The following ALG9 variants were observed in gnomAD, a reference collection of about 807,000 sequenced individuals.
ALG9 encodes the protein ALG9 alpha-1,2-mannosyltransferase, also known as alpha-1,2-mannosyltransferase ALG9.
ALG9 carries 55 observed loss-of-function variants against 81.8 expected under a neutral mutation model. The observed-to-expected ratio is 0.67, with a 90% confidence interval of 0.54 to 0.84. ALG9 has a LOEUF of 0.84. Ranked by LOEUF, ALG9 falls within the 40% of genes least tolerant of loss-of-function variation. The pLI is 0.00. For synonymous variants in ALG9, 278 were observed against 274.3 expected (o/e 1.01, Z -0.13); for missense variants, 629 against 745.0 (o/e 0.84, Z 1.81).
chr11:111,862,148 T>C (rs1311302618), intron 4 of ALG9, among the ~76,000 whole-genome samples: 6 of 152,172 alleles, frequency 3.9e-5, no homozygotes, highest in African/African-American at 1.4e-4. Context: ...ATACCCCGAA[T>C]ATTGCCTCTC....
intron 11 of ALG9, 80 bp from the exon 12 acceptor site, chr11:111,837,695 G>C (rs1355019249): frequency 4.7e-6 from 7 of 1,482,642 alleles, no homozygotes; most frequent in Non-Finnish European, 6.5e-6. Flanking sequence ...CATTAATGTC[G>C]CACTGTAAGC....
At chr11:111,857,456 T>C in intron 6 of ALG9, 146 bp downstream of exon 6, 1 of 1,054,778 alleles carries the variant, frequency 9.5e-7, no homozygotes, top group South Asian at 1.4e-5. Context: ...TAGTAAGTGC[T>C]AAGAGAAATA....
chr11:111,836,418 A>T, intron 12 of ALG9, 124 bp from the exon 13 acceptor site: 1 of 1,303,662 alleles, frequency 7.7e-7, no homozygotes, highest in Non-Finnish European at 1.1e-6. Context: ...TATTTCTGCT[A>T]AAACCTCAAC....
At position 111,822,493 on chromosome 11, in the gene ALG9, C is replaced by T. The variant is rs376504212; in HGVS notation, c.1603-12720G>A. ...TTGGGAGGCCAAGGTGGGCAGACTG[C>T]TTGAGCCTAGGAGTTTAAGACCAAC... On this transcript the variant is annotated intron_variant, in intron 13 of 14. Transcript: ENST00000616540. 2.6e-4 allele frequency among the ~76,000 whole-genome samples: 40 copies of T among 150,982 alleles called. No individual in the cohort carries two copies. In the East Asian group the frequency reaches 7.6e-3, roughly 29 times the overall value.
rs140492079 is a variant in ALG9, at chr11:111,804,132, CAAAAAAAA to C, written c.1733+5503_1733+5510del. Among the ~76,000 whole-genome samples, 6 of 85,372 alleles carry C rather than the reference CAAAAAAAA, an allele frequency of 7.0e-5. No individual in the cohort carries two copies. The East Asian group carries it at 1.6e-3, about 23-fold the overall frequency. The allele number at this position is 85,372 out of a possible 152,430, so 56.0% of individuals were successfully genotyped here. On this transcript the variant is annotated intron_variant, in intron 14 of 14. Coordinates refer to ENST00000616540, the MANE Select transcript of ALG9 (RefSeq NM_024740.2). ...TGTGTGACAGAGTAAGACTCCATCT[CAAAAAAAA>C]AAAAAAAAAAAGAAACAACAACAAC...
At chr11:111,791,657 A>G (rs552735315) in intron 14 of ALG9, among the ~76,000 whole-genome samples, 1 of 152,310 alleles carries the variant, frequency 6.6e-6, no homozygotes, top group Non-Finnish European at 1.5e-5. Context: ...CGGCCACACC[A>G]GGTCCTTTTC....
intron 8 of ALG9, chr11:111,845,152 T>G (rs1956773373): frequency 1.0e-5 from 2 of 193,470 alleles, no homozygotes; most frequent in Non-Finnish European, 2.2e-5. Flanking sequence ...AAAAACTTAG[T>G]TGGTGGCTGG....
At chr11:111,852,866 CA>C (rs1397452623) in intron 8 of ALG9, among the ~76,000 whole-genome samples, 3 of 149,138 alleles carry the variant, frequency 2.0e-5, no homozygotes, top group Non-Finnish European at 4.4e-5. Context: ...CACTTGAACC[CA>C]GGAGGTGGAG....
At chr11:111,843,524 C>A (rs1956528796) in intron 9 of ALG9, among the ~76,000 whole-genome samples, 1 of 152,154 alleles carries the variant, frequency 6.6e-6, no homozygotes, top group African/African-American at 2.4e-5. Flanking sequence ...TCTTATAATA[C>A]AACGAACTCA....
chr11:111,789,534 C>A (rs1947051113), intron 14 of ALG9, among the ~76,000 whole-genome samples: 1 of 151,584 alleles, frequency 6.6e-6, no homozygotes, highest in African/African-American at 2.4e-5. Flanking sequence ...GCCACCGTAC[C>A]CAGCCTATAA....
In ALG9 at chr11:111,840,766, C is replaced by T. The variant is rs1555123000; in HGVS notation, c.1062G>A (p.Met354Ile). ...TGAAGAAAATTATAAACCAAATATA[C>T]ATTGGAGCCAAGGTAAGCCAATACG... Reference protein sequence around the residue: ...GHPYWLTLAPMYIWFIIFFIQ... With the variant: ...GHPYWLTLAPIYIWFIIFFIQ... The change falls in exon 10 of 15, where the codon ATG (methionine) becomes ATA (isoleucine). Residue 354 changes from methionine to isoleucine, a missense_variant. By Grantham distance (10) the Met-to-Ile change is conservative. Transcript: ENST00000616540. 3 of 1,614,062 alleles carry T rather than the reference C, an allele frequency of 1.9e-6. No individual in the cohort carries two copies. The highest frequency in any genetic ancestry group is 1.7e-6 in the Non-Finnish European group (2 of 1,179,988).
At chr11:111,814,550 G>A (rs1340276329) in intron 13 of ALG9, 2 of 152,056 alleles carry the variant, frequency 1.3e-5, no homozygotes, top group African/African-American at 4.8e-5. Flanking sequence ...TACATTACTA[G>A]AAGGTTTTTT....
downstream of ALG9, among the ~76,000 whole-genome samples, chr11:111,780,843 G>A (rs186037511): frequency 1.6e-4 from 24 of 152,248 alleles, no homozygotes; most frequent in Non-Finnish European, 1.0e-4. Flanking sequence ...GCTGAGCACC[G>A]GGAATACATA....
intron 12 of ALG9, 79 bp downstream of exon 12, chr11:111,837,389 C>G: frequency 6.4e-7 from 1 of 1,563,036 alleles, no homozygotes; most frequent in East Asian, 2.2e-5. Flanking sequence ...CAAAAGAAAA[C>G]AAAAATTAGA....
At chr11:111,851,788 A>G (rs1957870733) in intron 8 of ALG9, among the ~76,000 whole-genome samples, 1 of 152,238 alleles carries the variant, frequency 6.6e-6, no homozygotes, top group Non-Finnish European at 1.5e-5. Context: ...AACAAGAGGC[A>G]ATCACAAACA....
chr11:111,858,047 T>C (rs1958987964), intron 5 of ALG9: 3 of 363,110 alleles, frequency 8.3e-6, no homozygotes, highest in South Asian at 4.4e-5. Flanking sequence ...AGCGATTCTC[T>C]TGACTGAGCC....
intron 13 of ALG9, among the ~76,000 whole-genome samples, chr11:111,831,309 G>C (rs2136727203): frequency 6.6e-6 from 1 of 152,234 alleles, no homozygotes; most frequent in East Asian, 1.9e-4. Flanking sequence ...CCAAAGTGCT[G>C]AGATTGCAGG....
intron 13 of ALG9, among the ~76,000 whole-genome samples, chr11:111,833,117 T>A (rs1954666818): frequency 6.6e-6 from 1 of 152,160 alleles, no homozygotes; most frequent in African/African-American, 2.4e-5. Flanking sequence ...TTCTGTAAGC[T>A]CTCTCCTGAA....
At chr11:111,805,712 A>G (rs930261996) in intron 14 of ALG9, among the ~76,000 whole-genome samples, 2 of 152,262 alleles carry the variant, frequency 1.3e-5, no homozygotes. Context: ...ATTATTTCAC[A>G]TGAAACGGTA....
Sources: allele counts gnomAD v4.1 joint callset (sites outside exome capture counted in the v4.1 genomes callset), GRCh38; gene constraint gnomAD v4.1.1; transcripts MANE v1.5; gene names NCBI Gene and HGNC (gene_info 2026-07-23, HGNC 2026-07-21).